The following TRPC5 variants were observed in gnomAD, a reference collection of about 807,000 sequenced individuals.
TRPC5 encodes the protein short transient receptor potential channel 5.
A neutral mutation model predicts 56.5 loss-of-function variants in TRPC5; 9 were observed. The observed-to-expected ratio is 0.16, with a 90% CI of 0.10 to 0.28. TRPC5 has a LOEUF of 0.28. Among genes scored for constraint, TRPC5 ranks in the 10% least tolerant of loss-of-function variants. TRPC5 has a pLI of 1.00. For missense variants in TRPC5, 469 were observed against 748.9 expected (o/e 0.63, Z 4.36); for synonymous variants, 282 against 278.5 (o/e 1.01, Z -0.13).
intron 1 of TRPC5, among the ~76,000 whole-genome samples, chrX:111,960,362 C>G (rs1185144543): frequency 8.9e-6 from 1 of 112,127 alleles, no homozygotes; most frequent in East Asian, 2.8e-4. Context: ...CTCCAATGTC[C>G]AGGGGAGGTT....
intron 7 of TRPC5, among the ~76,000 whole-genome samples, chrX:111,788,039 C>T (rs1238429049): frequency 1.8e-5 from 2 of 111,838 alleles, no homozygotes; most frequent in East Asian, 2.8e-4. Flanking sequence ...TAGATAAAGA[C>T]GGAATCCTCC....
At chrX:111,782,806 A>AAC (rs1186498788) in intron 7 of TRPC5, among the ~76,000 whole-genome samples, 7,913 of 91,603 alleles carry the variant, frequency 0.086, 312 homozygotes, top group Admixed American at 0.12. Flanking sequence ...CATTATAATC[A>AAC]ACACACACAC....
At chrX:111,808,537 G>A (rs1921598336) in intron 7 of TRPC5, among the ~76,000 whole-genome samples, 2 of 110,765 alleles carry the variant, frequency 1.8e-5, no homozygotes, top group African/African-American at 3.3e-5. Context: ...TATCCCTTCA[G>A]GGCAGTGGTA....
At chrX:111,915,391 A>G (rs1288291929) in intron 2 of TRPC5, among the ~76,000 whole-genome samples, 1 of 111,570 alleles carries the variant, frequency 9.0e-6, no homozygotes, top group Non-Finnish European at 1.9e-5. Context: ...CCTCCCGCCC[A>G]GACTGCTTTT....
intron 1 of TRPC5, among the ~76,000 whole-genome samples, chrX:111,975,325 A>AG (rs1323973958): frequency 1.1e-5 from 1 of 93,104 alleles, no homozygotes; most frequent in Non-Finnish European, 2.0e-5. Context: ...TTCACTAAAT[A>AG]GAAAAAAAAA....
chrX:111,935,845 G>C (rs969225986), intron 2 of TRPC5, among the ~76,000 whole-genome samples: 2 of 111,762 alleles, frequency 1.8e-5, no homozygotes, highest in African/African-American at 6.5e-5. Flanking sequence ...TTTTATGCCA[G>C]TACCATGCTG....
At chrX:112,051,270 C>G (rs1248860818) in intron 1 of TRPC5, among the ~76,000 whole-genome samples, 2 of 112,419 alleles carry the variant, frequency 1.8e-5, no homozygotes, top group Admixed American at 9.4e-5. Context: ...CTGGGGCTGA[C>G]AGTGGATACC....
Position 111,776,780 on chromosome X carries a change from T to G in TRPC5, c.2455A>C (p.Arg819=). ...HGPPLIRTMP[R]SSGAQGKSKA... ...GACTTTCCTTGGGCACCACTGGACC[T>G]TGGCATGGTTCTGATGAGAGGTGGC... is the stretch of plus-strand genomic sequence containing the variant. Residue 819 remains arginine, a synonymous_variant, in exon 11 of 11, where the codon AGG becomes CGG. Transcript: ENST00000262839. The G allele has an allele frequency of 8.3e-7, 1 of 1,210,256 alleles. No homozygotes were observed. Among genetic ancestry groups the G allele is most frequent in the Non-Finnish European group, 1.1e-6 (1 of 894,767 alleles).
At chrX:111,803,661 T>A (rs1298799090) in intron 7 of TRPC5, among the ~76,000 whole-genome samples, 1 of 112,584 alleles carries the variant, frequency 8.9e-6, no homozygotes, top group African/African-American at 3.2e-5. Flanking sequence ...TTGAGAAGTA[T>A]CTGTTCATAT....
At chrX:111,852,200 C>A in intron 5 of TRPC5, 98 bp downstream of exon 5, 17 of 815,833 alleles carry the variant, frequency 2.1e-5, no homozygotes, top group Non-Finnish European at 3.0e-5. Context: ...GAGCCATCAT[C>A]ATCATCACTT....
intron 7 of TRPC5, among the ~76,000 whole-genome samples, chrX:111,786,288 A>T (rs976728223): frequency 9.0e-6 from 1 of 111,540 alleles, no homozygotes; most frequent in African/African-American, 3.3e-5. Flanking sequence ...AGAATTTTCA[A>T]CCCAGAATTT....
chrX:111,788,768 T>C (rs1214062604), intron 7 of TRPC5, among the ~76,000 whole-genome samples: 2 of 110,540 alleles, frequency 1.8e-5, no homozygotes, highest in Admixed American at 9.6e-5. Flanking sequence ...TATACACCAA[T>C]AACAGACAAA....
chrX:112,031,695 A>G (rs943296700), intron 1 of TRPC5, among the ~76,000 whole-genome samples: 7 of 109,531 alleles, frequency 6.4e-5, no homozygotes, highest in Non-Finnish European at 1.9e-5. Flanking sequence ...AGATGTATAT[A>G]TATCTATAGA....
intron 9 of TRPC5, among the ~76,000 whole-genome samples, chrX:111,780,422 A>G (rs1945910549): frequency 9.1e-6 from 1 of 110,078 alleles, no homozygotes; most frequent in East Asian, 2.8e-4. Context: ...TCCTCCTGTT[A>G]TATATATTAC....
intron 1 of TRPC5, among the ~76,000 whole-genome samples, chrX:112,044,305 A>G (rs1929968678): frequency 8.9e-6 from 1 of 111,924 alleles, no homozygotes; most frequent in Admixed American, 9.5e-5. Context: ...CTCAGTAGCT[A>G]TGGGTTATAA....
chrX:112,038,826 C>T (rs1337856595), intron 1 of TRPC5, among the ~76,000 whole-genome samples: 20 of 106,788 alleles, frequency 1.9e-4, no homozygotes, highest in African/African-American at 6.9e-4. Context: ...GGACTACAGG[C>T]GCCCACCACC....
chrX:112,036,502 G>T (rs754172337), intron 1 of TRPC5, among the ~76,000 whole-genome samples: 93 of 112,016 alleles, frequency 8.3e-4, no homozygotes, highest in African/African-American at 2.9e-3. Flanking sequence ...AATGTGATTT[G>T]CCACCTTCAA....
At chrX:111,988,617 C>G (rs1372920201) in intron 1 of TRPC5, among the ~76,000 whole-genome samples, 1 of 110,773 alleles carries the variant, frequency 9.0e-6, no homozygotes, top group East Asian at 2.9e-4. Flanking sequence ...GCATCTTATT[C>G]ATTTTTATAT....
At chrX:112,027,282 T>C (rs905266153) in intron 1 of TRPC5, among the ~76,000 whole-genome samples, 1 of 111,625 alleles carries the variant, frequency 9.0e-6, no homozygotes, top group Admixed American at 9.5e-5. Flanking sequence ...TGTGTGTATG[T>C]TGTGTGTGTA....
Sources: allele counts gnomAD v4.1 joint callset (sites outside exome capture counted in the v4.1 genomes callset), GRCh38; gene constraint gnomAD v4.1.1; transcripts MANE v1.5; gene names NCBI Gene and HGNC (gene_info 2026-07-23, HGNC 2026-07-21).